Variants in RIMBP2 observed in about 807,000 individuals in gnomAD.
RIMBP2 encodes the protein RIMS-binding protein 2.
A neutral mutation model predicts 118.6 loss-of-function variants in RIMBP2; 48 were observed. The ratio of observed to expected loss-of-function variants is 0.40; its 90% CI spans 0.32 to 0.51. The LOEUF (loss-of-function observed/expected upper bound fraction) is 0.51. Among genes scored for constraint, RIMBP2 ranks in the 20% least tolerant of loss-of-function variants. RIMBP2 has a pLI of 0.41. For synonymous variants in RIMBP2, 762 were observed against 742.9 expected, an observed-to-expected ratio of 1.03 and a Z score of -0.42; for missense variants, 1,551 against 1,768.3, an observed-to-expected ratio of 0.88 and a Z score of 2.20.
intron 1 of RIMBP2, among the ~76,000 whole-genome samples, chr12:130,697,379 C>CGGGT (rs1263514116): frequency 6.6e-6 from 1 of 152,064 alleles, no homozygotes; most frequent in Non-Finnish European, 1.5e-5. Context: ...ACAAAATAGC[C>CGGGT]GGGTATGGTG....
At chr12:130,549,263 T>C (rs2055492593) in intron 2 of RIMBP2, among the ~76,000 whole-genome samples, 1 of 152,214 alleles carries the variant, frequency 6.6e-6, no homozygotes. Flanking sequence ...AGCTGGCATC[T>C]GATGCCCATC....
intron 2 of RIMBP2, among the ~76,000 whole-genome samples, chr12:130,557,439 G>A (rs1427804181): frequency 6.6e-6 from 1 of 152,224 alleles, no homozygotes; most frequent in African/African-American, 2.4e-5. Context: ...TCAGCCATGC[G>A]AGTGACCTTG....
chr12:130,461,905 T>C (rs1038871157), intron 6 of RIMBP2, among the ~76,000 whole-genome samples: 3 of 152,194 alleles, frequency 2.0e-5, no homozygotes, highest in African/African-American at 7.2e-5. Flanking sequence ...TGGCCCAGCC[T>C]CAGGCATTCC....
In RIMBP2 at chr12:130,458,614, C is replaced by A. The variant is rs995846563; in HGVS notation, c.154-1914G>T. Among the ~76,000 whole-genome samples, 9 of 152,238 alleles carry A rather than the reference C, an allele frequency of 5.9e-5. 1 individual carries two copies. Among genetic ancestry groups the A allele is most frequent in the Non-Finnish European group, 5.9e-5 (4 of 68,046 alleles). ...GTGTGAGCCAACGAACCCCCAGGCA[C>A]CCATGGGGCACTCGCGGAGCCTTCC... On this transcript the variant is annotated intron_variant, in intron 6 of 22. Coordinates refer to ENST00000690449, the MANE Select transcript of RIMBP2 (RefSeq NM_001393629.1).
chr12:130,552,597 C>T (rs2055905502), intron 2 of RIMBP2, among the ~76,000 whole-genome samples: 2 of 152,152 alleles, frequency 1.3e-5, no homozygotes, highest in Non-Finnish European at 2.9e-5. Context: ...ATCATTAGTC[C>T]TGACACTAGA....
intron 1 of RIMBP2, among the ~76,000 whole-genome samples, chr12:130,704,795 G>A (rs939598156): frequency 2.6e-5 from 4 of 152,020 alleles, no homozygotes; most frequent in South Asian, 2.1e-4. Flanking sequence ...CCGAGGCTCC[G>A]GGGCTCCACC....
intron 2 of RIMBP2, among the ~76,000 whole-genome samples, chr12:130,529,463 G>A (rs530245719): frequency 2.4e-4 from 37 of 152,322 alleles, no homozygotes; most frequent in South Asian, 4.1e-4. Flanking sequence ...GGGCTGGAAG[G>A]AGGAAGGAAA....
intron 2 of RIMBP2, among the ~76,000 whole-genome samples, chr12:130,556,208 C>CA (rs1228694572): frequency 6.6e-6 from 1 of 152,200 alleles, no homozygotes; most frequent in Non-Finnish European, 1.5e-5. Context: ...TGGCAACGTG[C>CA]ACTCTGTCTG....
intron 19 of RIMBP2, among the ~76,000 whole-genome samples, chr12:130,410,196 G>C (rs1370345720): frequency 1.3e-5 from 2 of 152,204 alleles, no homozygotes; most frequent in Non-Finnish European, 2.9e-5. Flanking sequence ...TTGGCGAAAG[G>C]TCACTTAAAT....
intron 6 of RIMBP2, among the ~76,000 whole-genome samples, chr12:130,459,833 G>A (rs1457061901): frequency 6.6e-6 from 1 of 152,174 alleles, no homozygotes; most frequent in Non-Finnish European, 1.5e-5. Context: ...ACTCTCTGTG[G>A]TTTGGTCCCC....
Position 130,693,219 on chromosome 12 carries a change from C to T in RIMBP2, c.-352+23003G>A, listed in dbSNP as rs184028109. 2.0e-4 allele frequency among the ~76,000 whole-genome samples: 31 copies of T among 152,142 alleles called. 1 individual carries two copies. The highest frequency in any genetic ancestry group is 1.0e-3 in the Admixed American group (16 of 15,292). On this transcript the variant is annotated intron_variant, in intron 1 of 22. Coordinates refer to ENST00000690449, the MANE Select transcript of RIMBP2 (RefSeq NM_001393629.1). Reference sequence around the variant, plus strand: ...TGTGATATGACTCCGTGCTCCATGCCATGGTCATGTAATGATTCAATTGAT... The same window carrying T: ...TGTGATATGACTCCGTGCTCCATGCTATGGTCATGTAATGATTCAATTGAT...
chr12:130,708,351 T>A (rs1949651284), intron 1 of RIMBP2, among the ~76,000 whole-genome samples: 1 of 152,168 alleles, frequency 6.6e-6, no homozygotes, highest in Non-Finnish European at 1.5e-5. Context: ...TGACTTGTAC[T>A]TTAGATGGAT....
At chr12:130,451,440 C>T in intron 7 of RIMBP2, 100 bp from the exon 8 acceptor site, 1 of 1,258,506 alleles carries the variant, frequency 7.9e-7, no homozygotes, top group Non-Finnish European at 1.1e-6. Flanking sequence ...CCCTCTTTGA[C>T]AACAGCCACT....
rs2061419531 is a variant in RIMBP2, at chr12:130,623,086, C to G, written c.-217+5236G>C. ...TAGTGTACAAAATCAGGTTGCTGGG[C>G]TACTTACACAAATACATATAAAACG... On this transcript the variant is annotated intron_variant, in intron 2 of 22. Coordinates refer to ENST00000690449, the MANE Select transcript of RIMBP2 (RefSeq NM_001393629.1). The surrounding 1 kb of genome is among the most constrained non-coding windows in gnomAD (Gnocchi z 4.1). 6.6e-6 allele frequency among the ~76,000 whole-genome samples: 1 copy of G among 152,168 alleles called. No individual in the cohort carries two copies. The highest frequency in any genetic ancestry group is 1.5e-5 in the Non-Finnish European group (1 of 68,040).
intron 5 of RIMBP2, among the ~76,000 whole-genome samples, chr12:130,477,868 G>A (rs1347231195): frequency 6.6e-6 from 1 of 152,248 alleles, no homozygotes. Flanking sequence ...CGGGCGGGAG[G>A]CTGCAGACCA....
intron 7 of RIMBP2, among the ~76,000 whole-genome samples, chr12:130,455,451 C>T (rs759878911): frequency 2.6e-5 from 4 of 152,204 alleles, no homozygotes; most frequent in Non-Finnish European, 4.4e-5. Flanking sequence ...GCCTGGGTGT[C>T]GTGAGTGCCT....
At chr12:130,479,523 T>A (rs4759696) in intron 4 of RIMBP2, among the ~76,000 whole-genome samples, 1 of 151,868 alleles carries the variant, frequency 6.6e-6, no homozygotes, top group Non-Finnish European at 1.5e-5. Flanking sequence ...AGGCACAGGA[T>A]GTCATCCTTG....
intron 17 of RIMBP2, among the ~76,000 whole-genome samples, chr12:130,416,876 G>A (rs2076130092): frequency 6.6e-6 from 1 of 151,852 alleles, no homozygotes. Flanking sequence ...AGCAAAAAAT[G>A]ACTCCATTAA....
At chr12:130,428,118 G>A in intron 15 of RIMBP2, 61 bp downstream of exon 15, 1 of 1,460,268 alleles carries the variant, frequency 6.8e-7, no homozygotes. Context: ...CCCCAGCAAA[G>A]GGACGTGGAT....
Sources: gnomAD v4.1 joint callset for allele counts (sites outside exome capture counted in the v4.1 genomes callset) on GRCh38, gnomAD v4.1.1 for gene constraint, Gnocchi (gnomAD v3.1) non-coding constraint, MANE v1.5 for transcripts, NCBI Gene and HGNC (gene_info 2026-07-23, HGNC 2026-07-21) for gene names.